Variants in LRRFIP2 observed in about 807,000 individuals in gnomAD.
The protein encoded by LRRFIP2 is LRR binding FLII interacting protein 2.
LRRFIP2 carries 109 observed loss-of-function variants against 125.9 expected under a neutral mutation model. The observed-to-expected ratio is 0.87, with a 90% CI of 0.74 to 1.01. The LOEUF (loss-of-function observed/expected upper bound fraction) is 1.01, where lower values mean the gene tolerates loss of function less well. LRRFIP2 is among the 50% of genes least tolerant of loss of function. The probability of loss-of-function intolerance (pLI) is 0.00; values close to 1 mark genes in which losing one functional copy is unlikely to be tolerated. For synonymous variants in LRRFIP2, 291 were observed against 293.1 expected (o/e 0.99, Z 0.07); for missense variants, 850 against 862.3 (o/e 0.99, Z 0.18).
intron 18 of LRRFIP2, among the ~76,000 whole-genome samples, chr3:37,089,399 G>A (rs1412044853): frequency 6.6e-6 from 1 of 152,122 alleles, no homozygotes; most frequent in Non-Finnish European, 1.5e-5. Flanking sequence ...GGGGAGAGTG[G>A]TTGAGAGCAT....
chr3:37,094,401 A>C lies in LRRFIP2; in HGVS notation c.1035+391T>G, dbSNP rs982682261. The stretch of plus-strand genomic sequence containing the variant: ...GAAAAACTGAGAGATAACTATATTC[A>C]AGCAGCTGAATACCATCAAGGCTCA... On this transcript the variant is annotated intron_variant, in intron 17 of 27. Transcript: ENST00000336686. 1.4e-4 allele frequency among the ~76,000 whole-genome samples: 22 copies of C among 152,328 alleles called. No homozygotes were observed. The East Asian group carries it at 4.2e-3, about 29-fold the overall frequency.
chr3:37,141,886 C>A (rs900989384), intron 2 of LRRFIP2, among the ~76,000 whole-genome samples: 3 of 152,184 alleles, frequency 2.0e-5, no homozygotes, highest in Non-Finnish European at 2.9e-5. Flanking sequence ...AGAACACCAA[C>A]CCCAGCAGGT....
chr3:37,141,809 G>A lies in LRRFIP2; in HGVS notation c.90+7085C>T, dbSNP rs553011442. ...GGGCTGATTCCTGAGTATCTATCCT[G>A]TCCCTCAGGACAGCCAGGGTTTGGC... is the stretch of plus-strand genomic sequence containing the variant. On this transcript the variant is annotated intron_variant, in intron 2 of 27. Coordinates refer to ENST00000336686, the MANE Select transcript of LRRFIP2 (RefSeq NM_006309.4). Among the ~76,000 whole-genome samples, 4 of 152,236 alleles carry A rather than the reference G, an allele frequency of 2.6e-5. No homozygotes were observed. In the South Asian group the frequency reaches 6.2e-4, roughly 24 times the overall value.
rs2091834101 is a variant in LRRFIP2, at chr3:37,075,065, C to T, written c.1330G>A (p.Glu444Lys). ...CTTTGCCGCAGGCCTTCTTTAAGTT[C>T]TTCCATCTTATGCTGCAGCACACTA... is the stretch of plus-strand genomic sequence containing the variant. ...MCSVLQHKME[E>K]LKEGLRQRDE... The change falls in exon 20 of 28, where the codon GAA (glutamate) becomes AAA (lysine). Residue 444 changes from glutamate to lysine, a missense_variant. Transcript: ENST00000336686. 2 of 1,612,892 alleles carry T rather than the reference C, an allele frequency of 1.2e-6. No individual in the cohort carries two copies. Among genetic ancestry groups the T allele is most frequent in the Non-Finnish European group, 1.7e-6 (2 of 1,179,798 alleles).
At chr3:37,158,322 A>T (rs1374285333) in intron 1 of LRRFIP2, among the ~76,000 whole-genome samples, 2 of 152,066 alleles carry the variant, frequency 1.3e-5, no homozygotes, top group Non-Finnish European at 2.9e-5. Context: ...AAAGTGTGAA[A>T]CAGGCCAGGC....
intron 25 of LRRFIP2, among the ~76,000 whole-genome samples, chr3:37,056,271 C>T (rs1463431897): frequency 6.6e-6 from 1 of 151,988 alleles, no homozygotes; most frequent in African/African-American, 2.4e-5. Flanking sequence ...CTTTTAAAAT[C>T]CCTCCAAGAA....
intron 15 of LRRFIP2, among the ~76,000 whole-genome samples, chr3:37,097,296 C>T (rs1044494972): frequency 2.6e-5 from 4 of 151,944 alleles, no homozygotes; most frequent in Non-Finnish European, 5.9e-5. Flanking sequence ...CAACCAACCA[C>T]AAAGTCTTTA....
upstream of LRRFIP2, chr3:37,175,363 G>A (rs1013993742): frequency 6.6e-6 from 1 of 152,204 alleles, no homozygotes; most frequent in Non-Finnish European, 1.5e-5. Flanking sequence ...TTAAGGTTTA[G>A]GATACAATAT....
intron 18 of LRRFIP2, among the ~76,000 whole-genome samples, chr3:37,089,045 A>T (rs1041250935): frequency 6.6e-6 from 1 of 151,926 alleles, no homozygotes; most frequent in Non-Finnish European, 1.5e-5. Context: ...CAAATTATAT[A>T]CTCTACATTT....
chr3:37,147,879 G>A (rs569465306), intron 2 of LRRFIP2, among the ~76,000 whole-genome samples: 28 of 152,124 alleles, frequency 1.8e-4, no homozygotes, highest in Non-Finnish European at 3.2e-4. Flanking sequence ...TGTTGCCAGC[G>A]ATTCAATAGG....
intron 17 of LRRFIP2, among the ~76,000 whole-genome samples, chr3:37,091,933 T>C (rs2093464797): frequency 6.6e-6 from 1 of 152,180 alleles, no homozygotes; most frequent in Admixed American, 6.5e-5. Flanking sequence ...TAGTAAAATA[T>C]ACAGTAAATT....
chr3:37,069,990 A>G (rs963730316), intron 21 of LRRFIP2, among the ~76,000 whole-genome samples: 14 of 152,122 alleles, frequency 9.2e-5, no homozygotes, highest in Non-Finnish European at 1.0e-4. Context: ...ATTGATGGAA[A>G]TGTTCTGTAT....
chr3:37,082,369 T>A (rs2092715334), intron 19 of LRRFIP2, among the ~76,000 whole-genome samples: 2 of 152,272 alleles, frequency 1.3e-5, no homozygotes, highest in South Asian at 4.1e-4. Context: ...ATAAACAATT[T>A]TAGAGCAGTT....
chr3:37,068,446 C>A (rs1421643896), intron 21 of LRRFIP2: 1 of 152,160 alleles, frequency 6.6e-6, no homozygotes, highest in Non-Finnish European at 1.5e-5. Flanking sequence ...TTTTTAATTT[C>A]CTCTTCCCAT....
At chr3:37,165,472 AG>A in intron 1 of LRRFIP2, among the ~76,000 whole-genome samples, 1 of 150,016 alleles carries the variant, frequency 6.7e-6, no homozygotes, top group East Asian at 2.0e-4. Flanking sequence ...AAGTTAACTC[AG>A]GGGTCAGGCA....
intron 18 of LRRFIP2, among the ~76,000 whole-genome samples, chr3:37,087,865 T>C (rs375975687): frequency 6.6e-6 from 1 of 152,196 alleles, no homozygotes. Context: ...GCTGTGATTA[T>C]AGGCGTAAGC....
At chr3:37,063,700 C>T in intron 24 of LRRFIP2, 42 bp downstream of exon 24, 2 of 1,446,802 alleles carry the variant, frequency 1.4e-6, no homozygotes, top group Non-Finnish European at 1.9e-6. Flanking sequence ...TACCATGTAA[C>T]TTTGTTAAAA....
chr3:37,172,570 C>T (rs1021616139), intron 1 of LRRFIP2, among the ~76,000 whole-genome samples: 1 of 151,992 alleles, frequency 6.6e-6, no homozygotes, highest in Non-Finnish European at 1.5e-5. Flanking sequence ...TTTAAAAGTC[C>T]CATAAACATC....
At chr3:37,168,015 G>A (rs925539076) in intron 1 of LRRFIP2, among the ~76,000 whole-genome samples, 4 of 152,148 alleles carry the variant, frequency 2.6e-5, no homozygotes, top group African/African-American at 9.7e-5. Context: ...ACAGAAAATA[G>A]TAAATGTTGG....
Sources: allele counts gnomAD v4.1 joint callset (sites outside exome capture counted in the v4.1 genomes callset), GRCh38; gene constraint gnomAD v4.1.1; transcripts MANE v1.5; gene names NCBI Gene and HGNC (gene_info 2026-07-23, HGNC 2026-07-21).